BIRC6: variants seen among roughly 807,000 people sequenced by gnomAD.
BIRC6 encodes dual E2 ubiquitin-conjugating enzyme/E3 ubiquitin-protein ligase BIRC6.
BIRC6 carries 98 observed loss-of-function variants against 503.3 expected under a neutral mutation model. That is an observed-to-expected ratio of 0.19 (90% CI 0.17 to 0.23). The LOEUF is 0.23. BIRC6 is among the 10% of genes least tolerant of loss of function. The pLI is 1.00. For missense variants in BIRC6, 5,360 were observed against 5,806.0 expected (o/e 0.92, Z 2.50); for synonymous variants, 2,240 against 2,078.7 (o/e 1.08, Z -2.11).
intron 26 of BIRC6, among the ~76,000 whole-genome samples, chr2:32,465,506 A>C (rs2048451558): frequency 6.6e-6 from 1 of 152,142 alleles, no homozygotes; most frequent in Non-Finnish European, 1.5e-5. Context: ...CTTATAGTAG[A>C]ACTCTTTCTT....
intron 68 of BIRC6, among the ~76,000 whole-genome samples, chr2:32,596,353 G>A (rs909705762): frequency 9.2e-5 from 14 of 151,476 alleles, no homozygotes; most frequent in African/African-American, 2.4e-4. Flanking sequence ...GGTGGCAGGC[G>A]CCTGTAACCC....
chr2:32,615,865 C>T (rs1418619924), intron 73 of BIRC6, among the ~76,000 whole-genome samples: 1 of 152,102 alleles, frequency 6.6e-6, no homozygotes, highest in South Asian at 2.1e-4. Context: ...GATCTTTTGA[C>T]CTCGTGATCT....
intron 54 of BIRC6, among the ~76,000 whole-genome samples, chr2:32,514,693 A>G (rs1210929230): frequency 1.3e-5 from 2 of 151,990 alleles, no homozygotes; most frequent in African/African-American, 2.4e-5. Context: ...GTTTCTCTAC[A>G]TGACCTTTTC....
intron 62 of BIRC6, among the ~76,000 whole-genome samples, chr2:32,543,979 C>T (rs374771438): frequency 1.3e-5 from 2 of 152,100 alleles, no homozygotes; most frequent in East Asian, 3.8e-4. Flanking sequence ...AATGAAGTGG[C>T]ATGGTAGTTT....
chr2:32,357,152 C>A lies in BIRC6; in HGVS notation c.-10C>A. ...CCGGCTAACGCGCTCGGCTTGCCCCCTGGCCCCGGATGGTGACTGGTGGTG... is the reference window on the plus strand; with the variant it reads ...CCGGCTAACGCGCTCGGCTTGCCCCATGGCCCCGGATGGTGACTGGTGGTG... On this transcript the variant is annotated 5_prime_UTR_variant, in exon 1 of 74. In the 5' UTR this introduces an upstream ATG that the reference lacks. Coordinates refer to ENST00000421745, the MANE Select transcript of BIRC6 (RefSeq NM_016252.4). This position sits in a 1 kb window ranked among gnomAD's most constrained non-coding sequence, Gnocchi z 4.9. 1 of 1,492,232 alleles carries A rather than the reference C, an allele frequency of 6.7e-7. No individual in the cohort carries two copies. Among genetic ancestry groups the A allele is most frequent in the Non-Finnish European group, 8.8e-7 (1 of 1,135,226 alleles). 92.4% of individuals were successfully genotyped at this position (1,492,232 alleles called of 1,614,324 possible).
At chr2:32,521,059 G>A (rs950372591) in intron 57 of BIRC6, among the ~76,000 whole-genome samples, 3 of 151,962 alleles carry the variant, frequency 2.0e-5, no homozygotes, top group Non-Finnish European at 2.9e-5. Context: ...AAAGCTAATC[G>A]CTTTGGAAGT....
intron 33 of BIRC6, among the ~76,000 whole-genome samples, chr2:32,475,967 A>G (rs1244544317): frequency 6.6e-6 from 1 of 152,124 alleles, no homozygotes; most frequent in Admixed American, 6.5e-5. Context: ...AGTGGCTTAT[A>G]TAAGAAAGTC....
rs141076633 is a variant in BIRC6, at chr2:32,385,724, T to G, written c.646-3026T>G. Among the ~76,000 whole-genome samples, 296 of 152,336 alleles carry G rather than the reference T, an allele frequency of 1.9e-3. 3 individuals are homozygous for G. The East Asian group carries it at 0.035, about 18-fold the overall frequency. ...AGCATCTTGCAGTACAGTCTGGTCT[T>G]GTTGCAGAGTTTCTTGTTTTGCACC... On this transcript the variant is annotated intron_variant, in intron 3 of 73. Transcript: ENST00000421745.
intron 70 of BIRC6, 27 bp from the exon 71 acceptor site, chr2:32,602,979 T>C: frequency 6.3e-7 from 1 of 1,580,086 alleles, no homozygotes; most frequent in Non-Finnish European, 8.6e-7. Flanking sequence ...TTTTTTCAAT[T>C]CTGTTTATGC....
intron 65 of BIRC6, chr2:32,557,600 T>G (rs1196055959): frequency 6.6e-6 from 1 of 152,238 alleles, no homozygotes; most frequent in Non-Finnish European, 1.5e-5. Flanking sequence ...TACCCTGGGA[T>G]GTATGTCTTA....
At chr2:32,397,518 G>C (rs1356006914) in intron 6 of BIRC6, among the ~76,000 whole-genome samples, 1 of 151,390 alleles carries the variant, frequency 6.6e-6, no homozygotes, top group East Asian at 1.9e-4. Context: ...CCTGTTGCAT[G>C]AGCAATTTTC....
At chr2:32,514,689 C>G (rs1048252579) in intron 54 of BIRC6, among the ~76,000 whole-genome samples, 10 of 151,966 alleles carry the variant, frequency 6.6e-5, no homozygotes, top group African/African-American at 2.4e-4. Flanking sequence ...GTTTGTTTCT[C>G]TACATGACCT....
intron 26 of BIRC6, among the ~76,000 whole-genome samples, chr2:32,467,164 G>A (rs757514075): frequency 5.3e-5 from 8 of 151,750 alleles, no homozygotes; most frequent in Non-Finnish European, 1.0e-4. Context: ...TGCCCAGTGT[G>A]GAGTATAGTG....
intron 62 of BIRC6, 23 bp downstream of exon 62, chr2:32,543,564 A>C: frequency 6.2e-7 from 1 of 1,601,264 alleles, no homozygotes; most frequent in Non-Finnish European, 8.5e-7. Flanking sequence ...TATTAAATTT[A>C]TCAACACATA....
In BIRC6 at chr2:32,513,077, A is replaced by T. The variant is rs773230189; in HGVS notation, c.10491A>T (p.Val3497=). 25 of 1,613,844 alleles carry T rather than the reference A, an allele frequency of 1.5e-5. No homozygotes were observed. The Admixed American group carries it at 3.3e-4, about 22-fold the overall frequency. ...CATCTCCTTCTCATTTGCACTGTGT[A>T]GCAGCCATTCTGTGGCATAGTTATG... ...LMPSPSHLHC[V]AAILWHSYEL... The change falls in exon 54 of 74, where the codon GTA becomes GTT. Residue 3497 remains valine, a synonymous_variant. Coordinates refer to ENST00000421745, the MANE Select transcript of BIRC6 (RefSeq NM_016252.4).
intron 10 of BIRC6, among the ~76,000 whole-genome samples, chr2:32,416,453 C>T (rs954194725): frequency 6.6e-6 from 1 of 151,572 alleles, no homozygotes; most frequent in Non-Finnish European, 1.5e-5. Flanking sequence ...TCTGCATCTG[C>T]TCAAATTTAT....
chr2:32,558,274 G>A (rs2058922814), intron 65 of BIRC6, among the ~76,000 whole-genome samples: 1 of 151,954 alleles, frequency 6.6e-6, no homozygotes, highest in South Asian at 2.1e-4. Context: ...AAATTTTTAC[G>A]TATCTAACTA....
At chr2:32,369,036 T>C (rs962614880) in intron 1 of BIRC6, among the ~76,000 whole-genome samples, 6 of 152,152 alleles carry the variant, frequency 3.9e-5, no homozygotes, top group African/African-American at 7.2e-5. Flanking sequence ...TATATTAAAT[T>C]TGTGCTTTTA....
At chr2:32,521,464 TTTTTTTG>T (rs1007537008) in intron 57 of BIRC6, among the ~76,000 whole-genome samples, 16 of 150,730 alleles carry the variant, frequency 1.1e-4, no homozygotes, top group African/African-American at 1.2e-4. Context: ...CTCTCTCTGT[TTTTTTTG>T]TTTTTTGTTT....
Sources: allele counts gnomAD v4.1 joint callset (sites outside exome capture counted in the v4.1 genomes callset), GRCh38; gene constraint gnomAD v4.1.1; non-coding constraint Gnocchi (gnomAD v3.1); transcripts MANE v1.5; gene names NCBI Gene and HGNC (gene_info 2026-07-23, HGNC 2026-07-21).